WDFY2: variants seen among roughly 807,000 people sequenced by gnomAD.
The protein encoded by WDFY2 is WD repeat and FYVE domain-containing protein 2.
A neutral mutation model predicts 56.4 loss-of-function variants in WDFY2; 36 were observed. That is an observed-to-expected ratio of 0.64 (90% CI 0.49 to 0.84). The LOEUF (loss-of-function observed/expected upper bound fraction) is 0.84, where lower values mean the gene tolerates loss of function less well. Among genes scored for constraint, WDFY2 ranks in the 40% least tolerant of loss-of-function variants. WDFY2 has a pLI of 0.00. For missense variants in WDFY2, 444 were observed against 512.2 expected (o/e 0.87, Z 1.29); for synonymous variants, 176 against 183.7 (o/e 0.96, Z 0.34).
chr13:51,657,322 A>G (rs1225600156), intron 1 of WDFY2, among the ~76,000 whole-genome samples: 1 of 152,160 alleles, frequency 6.6e-6, no homozygotes, highest in African/African-American at 2.4e-5. Context: ...AACAAAATAT[A>G]CAGTGATACT....
intron 7 of WDFY2, among the ~76,000 whole-genome samples, chr13:51,743,183 A>G (rs1953013572): frequency 6.6e-6 from 1 of 152,192 alleles, no homozygotes; most frequent in Non-Finnish European, 1.5e-5. Context: ...ATTTCTAACT[A>G]TTTAGCTAAA....
At chr13:51,671,466 G>C (rs1278199628) in intron 2 of WDFY2, among the ~76,000 whole-genome samples, 1 of 152,116 alleles carries the variant, frequency 6.6e-6, no homozygotes, top group African/African-American at 2.4e-5. Flanking sequence ...CTGATCATTA[G>C]TGATGTTGAG....
At chr13:51,622,047 G>A (rs981987897) in intron 1 of WDFY2, among the ~76,000 whole-genome samples, 8 of 152,106 alleles carry the variant, frequency 5.3e-5, no homozygotes, top group Non-Finnish European at 1.0e-4. Context: ...GGATTGTTTA[G>A]TTTCATCTTC....
intron 3 of WDFY2, among the ~76,000 whole-genome samples, chr13:51,690,431 T>C (rs997926190): frequency 6.8e-6 from 1 of 147,062 alleles, no homozygotes; most frequent in African/African-American, 2.5e-5. Context: ...CACCTATGAG[T>C]GAGAATATGT....
chr13:51,723,084 A>G (rs977523943), intron 5 of WDFY2, among the ~76,000 whole-genome samples: 1 of 152,194 alleles, frequency 6.6e-6, no homozygotes, highest in Admixed American at 6.5e-5. Flanking sequence ...AGCTGTTAAG[A>G]TTATGTCAAT....
intron 4 of WDFY2, among the ~76,000 whole-genome samples, chr13:51,710,822 A>T (rs554598555): frequency 6.6e-6 from 1 of 152,230 alleles, no homozygotes; most frequent in African/African-American, 2.4e-5. Flanking sequence ...TTCCATGCTC[A>T]TGGGTAGGAA....
intron 3 of WDFY2, among the ~76,000 whole-genome samples, chr13:51,691,444 C>T (rs7330078): frequency 0.47 from 66,991 of 144,054 alleles, 15,963 homozygotes; most frequent in Admixed American, 0.54. Flanking sequence ...CACCATTTAT[C>T]AAATAGGGAA....
chr13:51,647,119 T>A (rs1232872970), intron 1 of WDFY2, among the ~76,000 whole-genome samples: 1 of 152,224 alleles, frequency 6.6e-6, no homozygotes, highest in African/African-American at 2.4e-5. Flanking sequence ...ATGCAAATAC[T>A]GTACCATTTT....
chr13:51,616,011 A>G (rs1954604150), intron 1 of WDFY2, among the ~76,000 whole-genome samples: 1 of 152,224 alleles, frequency 6.6e-6, no homozygotes. Context: ...TGGGAGGCCC[A>G]GGCAGGAGGA....
At chr13:51,662,593 A>T (rs1411151555) in intron 2 of WDFY2, among the ~76,000 whole-genome samples, 1 of 152,198 alleles carries the variant, frequency 6.6e-6, no homozygotes, top group African/African-American at 2.4e-5. Context: ...TCATCCTGTA[A>T]TGCTGTCTTT....
intron 3 of WDFY2, among the ~76,000 whole-genome samples, chr13:51,696,961 G>A (rs768366761): frequency 4.6e-5 from 7 of 152,054 alleles, no homozygotes; most frequent in East Asian, 1.9e-4. Flanking sequence ...CATGACAATC[G>A]TATGCAAATA....
chr13:51,703,592 A>G lies in WDFY2; in HGVS notation c.280-4A>G. Reference sequence around the variant, plus strand: ...TTGTTTAATAGTTTTCTTTTCTTTTACAGGAGTTTATATTGTCAGAAGATT... The same window carrying G: ...TTGTTTAATAGTTTTCTTTTCTTTTGCAGGAGTTTATATTGTCAGAAGATT... On this transcript the variant is annotated splice_polypyrimidine_tract_variant and splice_region_variant and intron_variant, in intron 3 of 11. Coordinates refer to ENST00000298125, the MANE Select transcript of WDFY2 (RefSeq NM_052950.4). 1 of 1,595,364 alleles carries G rather than the reference A, an allele frequency of 6.3e-7. No homozygotes were observed. Among genetic ancestry groups the G allele is most frequent in the East Asian group, 2.2e-5 (1 of 44,614 alleles).
At chr13:51,666,872 A>G (rs1955712872) in intron 2 of WDFY2, among the ~76,000 whole-genome samples, 1 of 152,242 alleles carries the variant, frequency 6.6e-6, no homozygotes, top group Admixed American at 6.5e-5. Flanking sequence ...TGGAAAGGAT[A>G]TTTGAACATA....
chr13:51,678,159 T>G (rs997582325), intron 3 of WDFY2, among the ~76,000 whole-genome samples: 1 of 152,236 alleles, frequency 6.6e-6, no homozygotes, highest in African/African-American at 2.4e-5. Context: ...CAATTGAAAT[T>G]AGTCACACAC....
intron 6 of WDFY2, among the ~76,000 whole-genome samples, chr13:51,737,550 TTAAA>T (rs1476545976): frequency 4.0e-5 from 2 of 49,554 alleles, no homozygotes; most frequent in South Asian, 7.2e-4. Flanking sequence ...GACAATGAAT[TTAAA>T]AAAAAAAAAA....
At chr13:51,594,034 T>A (rs1403145376) in intron 1 of WDFY2, 1 of 152,204 alleles carries the variant, frequency 6.6e-6, no homozygotes, top group Non-Finnish European at 1.5e-5. Flanking sequence ...CTTGGGCCAG[T>A]TTACCCCTTC....
intron 3 of WDFY2, among the ~76,000 whole-genome samples, chr13:51,692,601 T>G (rs1297401526): frequency 6.6e-6 from 1 of 152,206 alleles, no homozygotes; most frequent in Non-Finnish European, 1.5e-5. Flanking sequence ...TTTGCCAGTA[T>G]TTTATTGAGG....
Position 51,760,013 on chromosome 13 carries a change from C to T in WDFY2, c.*244C>T, listed in dbSNP as rs1953531467. ...TTTTTTAACAAATGGTTTATACAGT[C>T]TGGCTGTGCTGCATTGTTTTGAGTG... On this transcript the variant is annotated 3_prime_UTR_variant, in exon 12 of 12. Transcript: ENST00000298125. 1 of 429,680 alleles carries T rather than the reference C, an allele frequency of 2.3e-6. No homozygotes were observed. The highest frequency in any genetic ancestry group is 2.0e-5 in the African/African-American group (1 of 50,700). 26.6% of individuals were successfully genotyped at this position (429,680 alleles called of 1,614,324 possible).
Position 51,759,793 on chromosome 13 carries a change from A to G in WDFY2, c.*24A>G, listed in dbSNP as rs914091831. ...GATGACTCTCCCAGGAATCAGAAAG[A>G]TAGTATTTACTAAAGAAACGGTTGT... On this transcript the variant is annotated 3_prime_UTR_variant, in exon 12 of 12. Coordinates refer to ENST00000298125, the MANE Select transcript of WDFY2 (RefSeq NM_052950.4). 6.2e-7 allele frequency: 1 copy of G among 1,612,890 alleles called. No homozygotes were observed. The highest frequency in any genetic ancestry group is 8.5e-7 in the Non-Finnish European group (1 of 1,179,094).
Sources: allele counts gnomAD v4.1 joint callset (sites outside exome capture counted in the v4.1 genomes callset), GRCh38; gene constraint gnomAD v4.1.1; transcripts MANE v1.5; gene names NCBI Gene and HGNC (gene_info 2026-07-23, HGNC 2026-07-21).